The following KDM5A variants were observed in gnomAD, a reference collection of about 807,000 sequenced individuals.
The protein encoded by KDM5A is lysine-specific demethylase 5A.
A neutral mutation model predicts 193.5 loss-of-function variants in KDM5A; 42 were observed. The observed-to-expected ratio is 0.22, with a 90% CI of 0.17 to 0.28. KDM5A has a LOEUF of 0.28. Ranked by LOEUF, KDM5A falls within the 10% of genes least tolerant of loss-of-function variation. The probability of loss-of-function intolerance (pLI) is 1.00; values close to 1 mark genes in which losing one functional copy is unlikely to be tolerated. For synonymous variants in KDM5A, 796 were observed against 718.1 expected, an observed-to-expected ratio of 1.11 and a Z score of -1.73; for missense variants, 1,692 against 2,055.1, an observed-to-expected ratio of 0.82 and a Z score of 3.42.
chr12:304,446 CTTTTT>C lies in KDM5A; in HGVS notation c.4074+2495_4074+2499del, dbSNP rs67930424. Among the ~76,000 whole-genome samples the C allele has an allele frequency of 8.9e-3, 1,006 of 112,578 alleles. 7 individuals carry two copies. The highest frequency in any genetic ancestry group is 0.014 in the Middle Eastern group (3 of 216). The allele number at this position is 112,578 out of a possible 152,430, so 73.9% of individuals were successfully genotyped here. On this transcript the variant is annotated intron_variant, in intron 24 of 27. Transcript: ENST00000399788. Reference sequence around the variant, plus strand: ...GTGGGAAAATGCTCAAGAGTATAGGCTTTTTTTTTTTTTTTTTTTTCATTCAAAGA... The same window carrying C: ...GTGGGAAAATGCTCAAGAGTATAGGCTTTTTTTTTTTTTTTCATTCAAAGA...
In KDM5A at chr12:350,793, A is replaced by G; in HGVS notation, c.1150-14T>C. ...TGTGGGAACCATCTACACAGGGAAAAAAAAGATGACAAATTATTAAACCAC... is the reference window on the plus strand; with the variant it reads ...TGTGGGAACCATCTACACAGGGAAAGAAAAGATGACAAATTATTAAACCAC... On this transcript the variant is annotated splice_polypyrimidine_tract_variant and intron_variant, in intron 9 of 27. Transcript: ENST00000399788. 6.2e-7 allele frequency: 1 copy of G among 1,612,538 alleles called. No homozygotes were observed. Among genetic ancestry groups the G allele is most frequent in the Non-Finnish European group, 8.5e-7 (1 of 1,178,638 alleles).
chr12:379,424 A>G (rs1191115736), intron 3 of KDM5A, among the ~76,000 whole-genome samples: 2 of 151,814 alleles, frequency 1.3e-5, no homozygotes, highest in African/African-American at 2.4e-5. Context: ...AGAGTGCTAT[A>G]AAAATGTTAT....
intron 19 of KDM5A, among the ~76,000 whole-genome samples, chr12:317,313 C>T (rs1047840660): frequency 2.0e-5 from 3 of 152,170 alleles, no homozygotes; most frequent in Non-Finnish European, 2.9e-5. Flanking sequence ...TTCAATCCTA[C>T]TCATTCCTCA....
chr12:370,741 A>C (rs1269529417), intron 3 of KDM5A, among the ~76,000 whole-genome samples: 1 of 152,144 alleles, frequency 6.6e-6, no homozygotes, highest in Non-Finnish European at 1.5e-5. Flanking sequence ...CATTAGGTAT[A>C]TCTCCTAATG....
chr12:299,697 A>G (rs1380498007), intron 24 of KDM5A, among the ~76,000 whole-genome samples: 1 of 152,192 alleles, frequency 6.6e-6, no homozygotes, highest in Non-Finnish European at 1.5e-5. Context: ...CACACATAAC[A>G]ATATTAAATG....
At chr12:289,714 C>CAAAAAAAAA (rs774919490) in intron 27 of KDM5A, among the ~76,000 whole-genome samples, 1 of 79,106 alleles carries the variant, frequency 1.3e-5, no homozygotes, top group African/African-American at 4.5e-5. Flanking sequence ...GACCCTGTCT[C>CAAAAAAAAA]AAAAAAAAAA....
chr12:362,011 CTTG>C (rs1229651907), intron 5 of KDM5A, among the ~76,000 whole-genome samples: 1 of 152,218 alleles, frequency 6.6e-6, no homozygotes, highest in Non-Finnish European at 1.5e-5. Flanking sequence ...TTCAGTGTCT[CTTG>C]TTAACAGCAG....
chr12:331,954 G>C lies in KDM5A; in HGVS notation c.1654-16C>G, dbSNP rs764479672. On this transcript the variant is annotated splice_polypyrimidine_tract_variant and intron_variant, in intron 12 of 27. Coordinates refer to ENST00000399788, the MANE Select transcript of KDM5A (RefSeq NM_001042603.3). Reference sequence around the variant, plus strand: ...TCCTGTACACCTAAATGCAAATTGGGAACAGGGATACAAAAATAAAAAATA... The same window carrying C: ...TCCTGTACACCTAAATGCAAATTGGCAACAGGGATACAAAAATAAAAAATA... The C allele has an allele frequency of 3.1e-6, 5 of 1,612,222 alleles. No individual in the cohort carries two copies. The African/African-American group carries it at 6.7e-5, about 22-fold the overall frequency.
At chr12:296,132 A>G (rs971791719) in intron 25 of KDM5A, among the ~76,000 whole-genome samples, 2 of 152,074 alleles carry the variant, frequency 1.3e-5, no homozygotes, top group African/African-American at 4.8e-5. Flanking sequence ...CAGCCTGACC[A>G]ACATAGTGAA....
At chr12:334,871 C>T (rs142493465) in intron 10 of KDM5A, among the ~76,000 whole-genome samples, 142 of 152,260 alleles carry the variant, frequency 9.3e-4, no homozygotes, top group South Asian at 4.1e-4. Context: ...TGACATGATG[C>T]AGAAAGTCAC....
Position 283,404 on chromosome 12 carries a change from C to T in KDM5A, c.*2052G>A, listed in dbSNP as rs1943179084. 1 of 232,822 alleles carries T rather than the reference C, an allele frequency of 4.3e-6. No homozygotes were observed. The highest frequency in any genetic ancestry group is 5.6e-5 in the Admixed American group (1 of 17,772). 14.4% of individuals were successfully genotyped at this position (232,822 alleles called of 1,614,324 possible). On this transcript the variant is annotated 3_prime_UTR_variant, in exon 28 of 28. Transcript: ENST00000399788. ...CACAAACTTACTTCAGATGAGACCT[C>T]AAGACATATGCACAGCAACACTAAC...
intron 24 of KDM5A, among the ~76,000 whole-genome samples, chr12:306,125 C>T (rs1172670632): frequency 6.6e-6 from 1 of 151,930 alleles, no homozygotes; most frequent in Non-Finnish European, 1.5e-5. Context: ...GTGTGTGCTA[C>T]CACACCCAAC....
chr12:363,552 C>T (rs1944317559), intron 4 of KDM5A, among the ~76,000 whole-genome samples: 1 of 152,098 alleles, frequency 6.6e-6, no homozygotes, highest in African/African-American at 2.4e-5. Context: ...GCTGGTACTA[C>T]TCAATATTCA....
At chr12:330,161 A>G (rs1237375985) in intron 13 of KDM5A, among the ~76,000 whole-genome samples, 3 of 151,196 alleles carry the variant, frequency 2.0e-5, no homozygotes, top group African/African-American at 7.3e-5. Context: ...TTAAATACGT[A>G]CTCTTTAAAA....
Position 334,229 on chromosome 12 carries a change from G to C in KDM5A, c.1490+12C>G, listed in dbSNP as rs759135582. On this transcript the variant is annotated intron_variant, in intron 11 of 27. Transcript: ENST00000399788. ...TAGAGTTCATGCATGCTGTATTTTA[G>C]ACTGTACATACCAGTGCAAGTAGTT... The C allele has an allele frequency of 1.2e-6, 2 of 1,611,244 alleles. No homozygotes were observed.
At chr12:329,744 T>C (rs1472595726) in intron 13 of KDM5A, among the ~76,000 whole-genome samples, 2 of 152,164 alleles carry the variant, frequency 1.3e-5, no homozygotes, top group Non-Finnish European at 2.9e-5. Flanking sequence ...TAAAATAAAT[T>C]TTGAAAATTT....
In KDM5A at chr12:280,655, T is replaced by C. The variant is rs935684220; in HGVS notation, c.*4801A>G. 4.3e-6 allele frequency: 1 copy of C among 233,008 alleles called. No homozygotes were observed. The highest frequency in any genetic ancestry group is 8.5e-6 in the Non-Finnish European group (1 of 117,968). 14.4% of individuals were successfully genotyped at this position (233,008 alleles called of 1,614,324 possible). The stretch of plus-strand genomic sequence containing the variant: ...TCTCTGAAGTAACTTGGGGTCTGAA[T>C]TGGTTGTGAGCTTTAAGAAGCCAAA... On this transcript the variant is annotated 3_prime_UTR_variant, in exon 28 of 28. Transcript: ENST00000399788.
chr12:344,388 A>G (rs139358760), intron 10 of KDM5A, among the ~76,000 whole-genome samples: 37 of 152,352 alleles, frequency 2.4e-4, no homozygotes, highest in Admixed American at 1.0e-3. Flanking sequence ...AAGGCAGGCC[A>G]ACATTCAAAT....
intron 19 of KDM5A, among the ~76,000 whole-genome samples, chr12:314,952 G>A (rs569849009): frequency 1.9e-4 from 29 of 152,278 alleles, no homozygotes; most frequent in South Asian, 1.0e-3. Context: ...TAGGGAATTT[G>A]GACTTCATCC....
Sources: allele counts gnomAD v4.1 joint callset (sites outside exome capture counted in the v4.1 genomes callset), GRCh38; gene constraint gnomAD v4.1.1; transcripts MANE v1.5; gene names NCBI Gene and HGNC (gene_info 2026-07-23, HGNC 2026-07-21).